PAX5: variants seen among roughly 807,000 people sequenced by gnomAD.
The protein encoded by PAX5 is paired box protein Pax-5.
In PAX5, 9 loss-of-function variants were observed where a neutral mutation model predicts 43.7. That is an observed-to-expected ratio of 0.21 (90% CI 0.12 to 0.36). PAX5 has a LOEUF of 0.36. PAX5 is among the 10% of genes least tolerant of loss of function. The probability of loss-of-function intolerance (pLI) is 1.00; values close to 1 mark genes in which losing one functional copy is unlikely to be tolerated. For synonymous variants in PAX5, 228 were observed against 214.3 expected (o/e 1.06, Z -0.56); for missense variants, 383 against 532.7 (o/e 0.72, Z 2.77).
At chr9:36,960,610 A>C (rs1588086949) in intron 6 of PAX5, among the ~76,000 whole-genome samples, 1 of 152,338 alleles carries the variant, frequency 6.6e-6, no homozygotes, top group Non-Finnish European at 1.5e-5. Context: ...AAGAAGTCCC[A>C]GTGAAGGTTG....
intron 7 of PAX5, among the ~76,000 whole-genome samples, chr9:36,909,787 T>C (rs910084330): frequency 6.6e-6 from 1 of 151,506 alleles, no homozygotes; most frequent in Non-Finnish European, 1.5e-5. Flanking sequence ...AGTCTTACTT[T>C]TTTTCCAAGA....
At chr9:36,845,720 C>A (rs986042797) in intron 9 of PAX5, among the ~76,000 whole-genome samples, 1 of 152,138 alleles carries the variant, frequency 6.6e-6, no homozygotes, top group Non-Finnish European at 1.5e-5. Flanking sequence ...TCCTAGCCAC[C>A]AAATCAGGTT....
chr9:36,940,894 GAGA>G, intron 6 of PAX5, among the ~76,000 whole-genome samples: 2 of 152,306 alleles, frequency 1.3e-5, no homozygotes, highest in Middle Eastern at 6.8e-3. Flanking sequence ...GCAATGAGAG[GAGA>G]AGATTACGGG....
intron 6 of PAX5, among the ~76,000 whole-genome samples, chr9:36,927,498 C>T (rs901803992): frequency 6.6e-6 from 1 of 152,188 alleles, no homozygotes; most frequent in Non-Finnish European, 1.5e-5. Flanking sequence ...TCAGCCACTT[C>T]AAAAGTTAGG....
intron 7 of PAX5, among the ~76,000 whole-genome samples, chr9:36,895,171 G>A (rs546321960): frequency 1.0e-3 from 157 of 152,338 alleles, no homozygotes; most frequent in African/African-American, 3.7e-3. Flanking sequence ...GTCTAAATGC[G>A]GAAGACGAGA....
chr9:37,000,722 C>T (rs1274456916), intron 5 of PAX5, among the ~76,000 whole-genome samples: 1 of 152,250 alleles, frequency 6.6e-6, no homozygotes, highest in African/African-American at 2.4e-5. Context: ...ATAGGGCACT[C>T]ATTACCTCCC....
intron 6 of PAX5, among the ~76,000 whole-genome samples, chr9:36,951,685 CTATT>C (rs1363102793): frequency 1.3e-5 from 2 of 152,206 alleles, no homozygotes; most frequent in East Asian, 3.8e-4. Context: ...CAAATCCAAT[CTATT>C]TATCGAGACT....
intron 6 of PAX5, 116 bp from the exon 7 acceptor site, chr9:36,923,600 G>A: frequency 8.4e-7 from 1 of 1,191,226 alleles, no homozygotes; most frequent in Admixed American, 2.2e-5. Context: ...CTGTGCCAAG[G>A]CCCACAAGGG....
At chr9:36,994,664 G>C (rs777667328) in intron 5 of PAX5, among the ~76,000 whole-genome samples, 4 of 152,208 alleles carry the variant, frequency 2.6e-5, no homozygotes, top group Non-Finnish European at 5.9e-5. Flanking sequence ...CAAGTGCCGA[G>C]AGCAACTTGA....
intron 6 of PAX5, among the ~76,000 whole-genome samples, chr9:36,944,135 G>A (rs948153633): frequency 1.3e-5 from 2 of 152,168 alleles, no homozygotes; most frequent in African/African-American, 4.8e-5. Context: ...AGTGAACTAT[G>A]ATTGCACCAC....
chr9:36,978,646 T>C (rs1393880165), intron 5 of PAX5, among the ~76,000 whole-genome samples: 3 of 152,220 alleles, frequency 2.0e-5, no homozygotes, highest in African/African-American at 7.2e-5. Context: ...GTATTTGAAG[T>C]GTATCTATCT....
At chr9:36,988,271 A>T (rs1426577254) in intron 5 of PAX5, among the ~76,000 whole-genome samples, 3 of 152,202 alleles carry the variant, frequency 2.0e-5, no homozygotes, top group Non-Finnish European at 4.4e-5. Context: ...TTTCAGAAAC[A>T]TGGAGCTGAA....
chr9:36,861,698 A>C (rs760832310), intron 8 of PAX5, among the ~76,000 whole-genome samples: 7 of 151,858 alleles, frequency 4.6e-5, no homozygotes, highest in Non-Finnish European at 7.4e-5. Flanking sequence ...TAGGACAGCC[A>C]GGAGGCCTAT....
At chr9:36,951,206 T>C (rs1033764978) in intron 6 of PAX5, among the ~76,000 whole-genome samples, 3 of 152,080 alleles carry the variant, frequency 2.0e-5, no homozygotes, top group South Asian at 2.1e-4. Context: ...TATTCTCTAA[T>C]TGTTGTCCTT....
chr9:36,850,452 C>T (rs1419180988), intron 8 of PAX5, among the ~76,000 whole-genome samples: 2 of 152,218 alleles, frequency 1.3e-5, no homozygotes, highest in Non-Finnish European at 2.9e-5. Context: ...GAAATGAAAG[C>T]CCCTGCTTCT....
intron 9 of PAX5, among the ~76,000 whole-genome samples, chr9:36,843,611 C>T (rs572268495): frequency 6.6e-6 from 1 of 152,366 alleles, no homozygotes; most frequent in African/African-American, 2.4e-5. Flanking sequence ...CGTTTGTGCT[C>T]TTCCTGTGTT....
At chr9:36,907,213 G>A (rs529777457) in intron 7 of PAX5, among the ~76,000 whole-genome samples, 1 of 152,302 alleles carries the variant, frequency 6.6e-6, no homozygotes, top group African/African-American at 2.4e-5. Context: ...AAGAGTAGAA[G>A]ATTAAATGAA....
At chr9:36,952,234 C>CTCTTTTTT (rs1833065291) in intron 6 of PAX5, among the ~76,000 whole-genome samples, 1 of 66,626 alleles carries the variant, frequency 1.5e-5, no homozygotes, top group African/African-American at 6.3e-5. Flanking sequence ...GACCATCTCC[C>CTCTTTTTT]TTTTTTTTTT....
rs1821839019 is a variant in PAX5, at chr9:36,839,007, C to G, written c.*1553G>C. 1 of 233,232 alleles carries G rather than the reference C, an allele frequency of 4.3e-6. No homozygotes were observed. The highest frequency in any genetic ancestry group is 2.2e-5 in the African/African-American group (1 of 45,346). 14.4% of individuals were successfully genotyped at this position (233,232 alleles called of 1,614,324 possible). Reference sequence around the variant, plus strand: ...GTCACCTAAGAAGGCCAAGCCCCCTCTCATCACTGTCATTCAGCCCAGGTT... The same window carrying G: ...GTCACCTAAGAAGGCCAAGCCCCCTGTCATCACTGTCATTCAGCCCAGGTT... On this transcript the variant is annotated 3_prime_UTR_variant, in exon 10 of 10. Coordinates refer to ENST00000358127, the MANE Select transcript of PAX5 (RefSeq NM_016734.3).
Sources: gnomAD v4.1 joint callset for allele counts (sites outside exome capture counted in the v4.1 genomes callset) on GRCh38, gnomAD v4.1.1 for gene constraint, MANE v1.5 for transcripts, NCBI Gene and HGNC (gene_info 2026-07-23, HGNC 2026-07-21) for gene names.